Variants in SLC25A48 observed in about 807,000 individuals in gnomAD.
The protein encoded by SLC25A48 is CTC-321K16.1.
In SLC25A48, 29 loss-of-function variants were observed where a neutral mutation model predicts 32.2. That is an observed-to-expected ratio of 0.90 (90% CI 0.67 to 1.23). The LOEUF (loss-of-function observed/expected upper bound fraction) is 1.23, where lower values mean the gene tolerates loss of function less well. SLC25A48 is among the 50% of genes most tolerant of loss of function. The pLI, the probability that SLC25A48 is intolerant of heterozygous loss-of-function variation, is 0.00. For synonymous variants in SLC25A48, 164 were observed against 172.3 expected, an observed-to-expected ratio of 0.95 and a Z score of 0.38; for missense variants, 399 against 422.7, an observed-to-expected ratio of 0.94 and a Z score of 0.49.
At chr5:135,642,282 T>C (rs763809073) in intron 3 of SLC25A48, among the ~76,000 whole-genome samples, 19 of 152,248 alleles carry the variant, frequency 1.2e-4, no homozygotes, top group Non-Finnish European at 2.1e-4. Flanking sequence ...TGGCTGCTTT[T>C]AAGGCAAAGG....
intron 3 of SLC25A48, among the ~76,000 whole-genome samples, chr5:135,702,946 C>A (rs1754426418): frequency 6.6e-6 from 1 of 152,298 alleles, no homozygotes; most frequent in African/African-American, 2.4e-5. Flanking sequence ...CGGGAAAACA[C>A]CTTCTTTTTG....
chr5:135,647,951 A>C (rs990199148), intron 3 of SLC25A48, among the ~76,000 whole-genome samples: 1 of 152,076 alleles, frequency 6.6e-6, no homozygotes, highest in Non-Finnish European at 1.5e-5. Context: ...AGAGAGAGGA[A>C]GGTGGTGGTC....
intron 3 of SLC25A48, chr5:135,649,192 C>T (rs933668573): frequency 2.0e-5 from 3 of 152,232 alleles, no homozygotes; most frequent in Non-Finnish European, 2.9e-5. Flanking sequence ...TGTTTGGCAA[C>T]AGCATCCACA....
chr5:135,855,882 CT>C (rs1453153358), intron 4 of SLC25A48, among the ~76,000 whole-genome samples: 3 of 152,358 alleles, frequency 2.0e-5, no homozygotes, highest in African/African-American at 7.2e-5. Flanking sequence ...TCCTTCAGCC[CT>C]TGCCTTTCCT....
At chr5:135,795,455 T>C (rs1490095338) in intron 3 of SLC25A48, among the ~76,000 whole-genome samples, 1 of 151,804 alleles carries the variant, frequency 6.6e-6, no homozygotes, top group African/African-American at 2.4e-5. Context: ...GAGGGGATGG[T>C]ATTACTCTCA....
At chr5:135,598,741 C>T (rs1028147293) in intron 1 of SLC25A48, among the ~76,000 whole-genome samples, 4 of 151,582 alleles carry the variant, frequency 2.6e-5, no homozygotes, top group African/African-American at 4.9e-5. Flanking sequence ...TTATATACAT[C>T]CCATTTTCAC....
rs189856845 is a variant in SLC25A48 at position 135,617,683 on chromosome 5, A to T, written c.-848-11554A>T. On this transcript the variant is annotated intron_variant, in intron 1 of 10. Coordinates refer to the SLC25A48 transcript ENST00000646290. Reference sequence around the variant, plus strand: ...TCATTTGTTTCAACAGTTTTTTTTTAAATTTTCTCTTTAATTTCTTCCTTG... The same window carrying T: ...TCATTTGTTTCAACAGTTTTTTTTTTAATTTTCTCTTTAATTTCTTCCTTG... 5.0e-3 allele frequency among the ~76,000 whole-genome samples: 755 copies of T among 151,112 alleles called. 6 individuals carry two copies. The highest frequency in any genetic ancestry group is 0.014 in the South Asian group (65 of 4,784).
At chr5:135,707,104 C>T (rs1754534136) in intron 3 of SLC25A48, among the ~76,000 whole-genome samples, 1 of 152,056 alleles carries the variant, frequency 6.6e-6, no homozygotes, top group Admixed American at 6.5e-5. Flanking sequence ...CAGGGGCCCC[C>T]ATGTGCTGCA....
intron 3 of SLC25A48, chr5:135,652,601 G>A: frequency 2.8e-6 from 1 of 361,706 alleles, no homozygotes. Flanking sequence ...GCACCATTTG[G>A]GATTAAACAC....
rs869088370 is a variant in SLC25A48, at chr5:135,630,588, CTTTTTT to C, written c.-709+1240_-709+1245del. Among the ~76,000 whole-genome samples the C allele has an allele frequency of 2.5e-3, 146 of 58,922 alleles. 1 individual carries two copies. The highest frequency in any genetic ancestry group is 0.02 in the East Asian group (32 of 1,588). 38.7% of individuals were successfully genotyped at this position (58,922 alleles called of 152,430 possible). On this transcript the variant is annotated intron_variant, in intron 2 of 10. Coordinates refer to the SLC25A48 transcript ENST00000646290. Reference sequence around the variant, plus strand: ...AGGGGAAGATGGTTAGGCTGGGCACCTTTTTTTTTTTTTTTTTTTTTTTTTTTTTTT... The same window carrying C: ...AGGGGAAGATGGTTAGGCTGGGCACCTTTTTTTTTTTTTTTTTTTTTTTTT...
At chr5:135,647,837 C>T (rs1168119517) in intron 3 of SLC25A48, among the ~76,000 whole-genome samples, 1 of 152,206 alleles carries the variant, frequency 6.6e-6, no homozygotes, top group African/African-American at 2.4e-5. Context: ...TGTAGTATGA[C>T]TCCTTGGAGT....
chr5:135,614,842 A>T (rs1162903700), intron 1 of SLC25A48, among the ~76,000 whole-genome samples: 1 of 152,204 alleles, frequency 6.6e-6, no homozygotes, highest in Non-Finnish European at 1.5e-5. Flanking sequence ...TGATTGGAAC[A>T]TGGGACCAGA....
At chr5:135,841,707 G>T (rs202010402) in intron 1 of SLC25A48, among the ~76,000 whole-genome samples, 1,664 of 149,376 alleles carry the variant, frequency 0.011, 27 homozygotes, top group Middle Eastern at 0.028. Flanking sequence ...GGAGATGTGT[G>T]GGTGGGGGGT....
intron 3 of SLC25A48, among the ~76,000 whole-genome samples, chr5:135,743,812 G>A (rs934709703): frequency 6.6e-6 from 1 of 152,176 alleles, no homozygotes; most frequent in Non-Finnish European, 1.5e-5. Flanking sequence ...TTGCTCCTAA[G>A]GAGCTTCTTT....
intron 4 of SLC25A48, among the ~76,000 whole-genome samples, 181 bp from the exon 5 acceptor site, chr5:135,871,280 C>T (rs1761622196): frequency 6.6e-6 from 1 of 152,170 alleles, no homozygotes; most frequent in South Asian, 2.1e-4. Flanking sequence ...TGTATATTGG[C>T]AGGGGCTCTT....
At chr5:135,646,784 T>A (rs905087706) in intron 3 of SLC25A48, among the ~76,000 whole-genome samples, 1 of 150,644 alleles carries the variant, frequency 6.6e-6, no homozygotes, top group Non-Finnish European at 1.5e-5. Flanking sequence ...ACTCATAGAA[T>A]CAGAAGTAGA....
intron 3 of SLC25A48, among the ~76,000 whole-genome samples, chr5:135,811,261 T>C (rs1367558346): frequency 3.9e-5 from 6 of 152,230 alleles, no homozygotes; most frequent in African/African-American, 1.2e-4. Context: ...GGAAATCCTG[T>C]CATTTGTGAC....
intron 3 of SLC25A48, among the ~76,000 whole-genome samples, chr5:135,786,648 TAGG>T (rs901148099): frequency 5.9e-5 from 9 of 152,060 alleles, no homozygotes; most frequent in African/African-American, 2.2e-4. Context: ...TGTAATTTCT[TAGG>T]GGGATATTTC....
intron 1 of SLC25A48, among the ~76,000 whole-genome samples, chr5:135,592,189 G>A (rs1278915521): frequency 6.6e-6 from 1 of 152,194 alleles, no homozygotes; most frequent in Non-Finnish European, 1.5e-5. Context: ...CTCCATGCCT[G>A]TCTCCTGGAT....
Sources: allele counts gnomAD v4.1 joint callset (sites outside exome capture counted in the v4.1 genomes callset), GRCh38; gene constraint gnomAD v4.1.1; transcripts MANE v1.5; gene names NCBI Gene and HGNC (gene_info 2026-07-23, HGNC 2026-07-21).